Variants in PDE4D observed in about 807,000 individuals in gnomAD.
PDE4D encodes the protein phosphodiesterase 4D.
A neutral mutation model predicts 87.4 loss-of-function variants in PDE4D; 24 were observed. That is an observed-to-expected ratio of 0.27 (90% CI 0.20 to 0.39). The LOEUF (loss-of-function observed/expected upper bound fraction) is 0.39, where lower values mean the gene tolerates loss of function less well. Among genes scored for constraint, PDE4D ranks in the 10% least tolerant of loss-of-function variants. PDE4D has a pLI of 1.00. For missense variants in PDE4D, 714 were observed against 1,041.0 expected, an observed-to-expected ratio of 0.69 and a Z score of 4.32; for synonymous variants, 384 against 383.2, an observed-to-expected ratio of 1.00 and a Z score of -0.02.
chr5:59,120,337 T>C (rs1774274825), intron 5 of PDE4D, among the ~76,000 whole-genome samples: 1 of 152,212 alleles, frequency 6.6e-6, no homozygotes, highest in Admixed American at 6.5e-5. Flanking sequence ...TATAGTCAAG[T>C]GGTAGCCCCA....
At chr5:59,011,044 C>A (rs1337263841) in intron 6 of PDE4D, among the ~76,000 whole-genome samples, 1 of 152,094 alleles carries the variant, frequency 6.6e-6, no homozygotes, top group Non-Finnish European at 1.5e-5. Flanking sequence ...TGGAGTGGAC[C>A]TCCAGCAAAC....
In PDE4D at chr5:60,161,292, G is replaced by T. The variant is rs1689622829; in HGVS notation, c.42+24265C>A. Among the ~76,000 whole-genome samples, 3 of 152,190 alleles carry T rather than the reference G, an allele frequency of 2.0e-5. No homozygotes were observed. In the South Asian group the frequency reaches 6.2e-4, roughly 32 times the overall value. Reference sequence around the variant, plus strand: ...CCATTTTGGCTTTTGAGTTCCAAATGGGAATTTACATTAATAATACAATCT... The same window carrying T: ...CCATTTTGGCTTTTGAGTTCCAAATTGGAATTTACATTAATAATACAATCT... On this transcript the variant is annotated intron_variant, in intron 2 of 16. Coordinates refer to the PDE4D transcript ENST00000502484.
At chr5:59,902,420 T>C (rs555121745) in intron 3 of PDE4D, among the ~76,000 whole-genome samples, 3 of 152,196 alleles carry the variant, frequency 2.0e-5, no homozygotes, top group South Asian at 2.1e-4. Flanking sequence ...CATACTTACA[T>C]AGCAAGATTT....
intron 1 of PDE4D, among the ~76,000 whole-genome samples, chr5:60,399,281 C>A (rs1763107773): frequency 6.6e-6 from 1 of 152,132 alleles, no homozygotes; most frequent in South Asian, 2.1e-4. Flanking sequence ...TTTATATTTT[C>A]TTCTCCTACT....
At chr5:59,586,073 T>A (rs953721284) in intron 1 of PDE4D, among the ~76,000 whole-genome samples, 7 of 152,248 alleles carry the variant, frequency 4.6e-5, no homozygotes, top group Admixed American at 1.3e-4. Context: ...CAAAGTTTTT[T>A]TCTTCCTCCA....
chr5:60,354,255 C>T (rs1183313804), intron 1 of PDE4D, among the ~76,000 whole-genome samples: 4 of 152,064 alleles, frequency 2.6e-5, no homozygotes, highest in African/African-American at 9.7e-5. Flanking sequence ...TACTTTTATT[C>T]CAAAGTAGCA....
intron 1 of PDE4D, among the ~76,000 whole-genome samples, chr5:60,347,883 A>G (rs959329098): frequency 1.3e-5 from 2 of 152,168 alleles, no homozygotes; most frequent in East Asian, 3.9e-4. Flanking sequence ...TCAGGATTAC[A>G]CAAAACCTCC....
intron 1 of PDE4D, chr5:59,586,233 C>A: frequency 1.1e-6 from 1 of 901,768 alleles, no homozygotes; most frequent in Admixed American, 1.8e-5. Flanking sequence ...TCACTTGATA[C>A]CAATACTCTA....
intron 1 of PDE4D, among the ~76,000 whole-genome samples, chr5:60,337,876 C>T (rs1757953202): frequency 6.6e-6 from 1 of 151,524 alleles, no homozygotes; most frequent in Non-Finnish European, 1.5e-5. Flanking sequence ...AGAGTTCCTA[C>T]CAAAAAACAT....
intron 3 of PDE4D, among the ~76,000 whole-genome samples, chr5:59,907,129 C>A (rs1281480440): frequency 6.6e-6 from 1 of 152,060 alleles, no homozygotes; most frequent in Non-Finnish European, 1.5e-5. Flanking sequence ...AACGCAGGAA[C>A]AGAAAACCGA....
chr5:59,279,527 T>C (rs1261988477), intron 1 of PDE4D, among the ~76,000 whole-genome samples: 1 of 152,078 alleles, frequency 6.6e-6, no homozygotes, highest in Non-Finnish European at 1.5e-5. Context: ...GTCCGGAGTA[T>C]TATATTTTGA....
intron 1 of PDE4D, among the ~76,000 whole-genome samples, chr5:60,506,140 C>G (rs903935578): frequency 1.6e-4 from 24 of 152,204 alleles, no homozygotes; most frequent in African/African-American, 5.5e-4. Context: ...AGCATCATTG[C>G]AGTGTCTACT....
At chr5:59,869,899 T>C (rs1425833841) in intron 1 of PDE4D, among the ~76,000 whole-genome samples, 1 of 152,202 alleles carries the variant, frequency 6.6e-6, no homozygotes, top group Non-Finnish European at 1.5e-5. Context: ...AGTGAGTTAA[T>C]AACCAGAACT....
At chr5:59,211,470 T>A (rs780619085) in intron 2 of PDE4D, among the ~76,000 whole-genome samples, 1 of 152,208 alleles carries the variant, frequency 6.6e-6, no homozygotes, top group African/African-American at 2.4e-5. Context: ...ATGTATTTCA[T>A]TGGTTTAATG....
At chr5:59,525,744 C>A (rs570351186) in intron 1 of PDE4D, among the ~76,000 whole-genome samples, 1 of 152,254 alleles carries the variant, frequency 6.6e-6, no homozygotes, top group African/African-American at 2.4e-5. Flanking sequence ...ATCATGGGAG[C>A]AGATCCCCCT....
intron 1 of PDE4D, among the ~76,000 whole-genome samples, chr5:59,864,591 T>A (rs1746743801): frequency 6.6e-6 from 1 of 152,174 alleles, no homozygotes; most frequent in African/African-American, 2.4e-5. Flanking sequence ...AAGAGCTGGG[T>A]ATATGTATAG....
At chr5:60,203,496 C>A (rs1380431213) in intron 1 of PDE4D, among the ~76,000 whole-genome samples, 2 of 152,106 alleles carry the variant, frequency 1.3e-5, no homozygotes, top group African/African-American at 2.4e-5. Flanking sequence ...GAAGGATATA[C>A]CTCAAAATTT....
chr5:60,331,905 T>G (rs1002692017), intron 1 of PDE4D, among the ~76,000 whole-genome samples: 1 of 152,370 alleles, frequency 6.6e-6, no homozygotes, highest in South Asian at 2.1e-4. Context: ...TTTATAGGAA[T>G]GCTACTCATG....
At chr5:59,148,896 C>T (rs72764076) in intron 5 of PDE4D, among the ~76,000 whole-genome samples, 21,186 of 151,790 alleles carry the variant, frequency 0.14, 1,554 homozygotes, top group African/African-American at 0.15. Context: ...AATACACTAA[C>T]GATATGTAAC....
Sources: allele counts gnomAD v4.1 joint callset (sites outside exome capture counted in the v4.1 genomes callset), GRCh38; gene constraint gnomAD v4.1.1; transcripts MANE v1.5; gene names NCBI Gene and HGNC (gene_info 2026-07-23, HGNC 2026-07-21).